Variants in INVS observed in about 807,000 individuals in gnomAD.
The protein encoded by INVS is inversin, also known as inversion of embryo turning homolog.
Under a neutral mutation model 108.8 loss-of-function variants are expected in INVS, and 86 were observed. The ratio of observed to expected loss-of-function variants is 0.79; its 90% CI spans 0.66 to 0.95. INVS has a LOEUF of 0.95. Ranked by LOEUF, INVS falls within the 40% of genes least tolerant of loss-of-function variation. The pLI, the probability that INVS is intolerant of heterozygous loss-of-function variation, is 0.00. For synonymous variants in INVS, 455 were observed against 473.5 expected, an observed-to-expected ratio of 0.96 and a Z score of 0.51; for missense variants, 1,169 against 1,297.4, an observed-to-expected ratio of 0.90 and a Z score of 1.52.
intron 13 of INVS, 39 bp from the exon 14 acceptor site, chr9:100,292,287 T>A (rs1833641962): frequency 6.4e-7 from 1 of 1,552,412 alleles, no homozygotes; most frequent in South Asian, 1.1e-5. Context: ...TATCCTACTC[T>A]GCAAGTTTTG....
At chr9:100,115,439 T>C (rs2118855957) in intron 2 of INVS, among the ~76,000 whole-genome samples, 1 of 152,318 alleles carries the variant, frequency 6.6e-6, no homozygotes, top group African/African-American at 2.4e-5. Flanking sequence ...TATCTCCTAA[T>C]GCTATGCCTC....
intron 3 of INVS, among the ~76,000 whole-genome samples, chr9:100,151,944 A>G (rs1828820455): frequency 6.6e-6 from 1 of 152,222 alleles, no homozygotes. Flanking sequence ...TTTTTCAAAT[A>G]AAAACTCTAA....
intron 13 of INVS, among the ~76,000 whole-genome samples, chr9:100,287,836 CATCCCTATCTCAGTA>C (rs1465207616): frequency 1.3e-5 from 2 of 152,236 alleles, no homozygotes; most frequent in Non-Finnish European, 2.9e-5. Flanking sequence ...CGGACTAATA[CATCCCTATCTCAGTA>C]CCCCAAAATC....
In INVS at chr9:100,100,894, AT is replaced by A. The variant is rs1347106399; in HGVS notation, c.-25+1480del. Among the ~76,000 whole-genome samples, 19 of 52,882 alleles carry A rather than the reference AT, an allele frequency of 3.6e-4. 3 individuals carry two copies. Among genetic ancestry groups the A allele is most frequent in the African/African-American group, 1.8e-3 (18 of 9,752 alleles). 34.7% of individuals were successfully genotyped at this position (52,882 alleles called of 152,430 possible). On this transcript the variant is annotated intron_variant, in intron 1 of 16. Transcript: ENST00000262457. ...TATTATATATGTATATATAATATAT[AT>A]TATATATGTATATATATTATATGTA...
At chr9:100,294,290 G>T (rs1833722604) in intron 14 of INVS, among the ~76,000 whole-genome samples, 1 of 152,148 alleles carries the variant, frequency 6.6e-6, no homozygotes, top group African/African-American at 2.4e-5. Flanking sequence ...GTTCCCGTCA[G>T]GAGAAAAAGG....
intron 2 of INVS, among the ~76,000 whole-genome samples, chr9:100,110,156 T>C (rs1827298803): frequency 6.6e-6 from 1 of 152,238 alleles, no homozygotes; most frequent in African/African-American, 2.4e-5. Context: ...ACTTAAATGT[T>C]TATGCATCCA....
At chr9:100,273,685 G>A (rs184376870) in intron 12 of INVS, among the ~76,000 whole-genome samples, 190 of 151,400 alleles carry the variant, frequency 1.3e-3, no homozygotes, top group African/African-American at 4.0e-3. Context: ...CTACAGGCGC[G>A]CGCCACCACA....
At chr9:100,154,837 C>T (rs1437556054) in intron 3 of INVS, among the ~76,000 whole-genome samples, 3 of 152,046 alleles carry the variant, frequency 2.0e-5, no homozygotes, top group South Asian at 2.1e-4. Flanking sequence ...ACACAGGGAT[C>T]GAAGCTAGTC....
intron 3 of INVS, among the ~76,000 whole-genome samples, chr9:100,131,388 A>G (rs941617947): frequency 2.0e-5 from 3 of 152,190 alleles, no homozygotes; most frequent in Admixed American, 6.5e-5. Context: ...ATTTTGGCAC[A>G]TGTTCACTTC....
At chr9:100,207,864 C>G (rs896337599) in intron 3 of INVS, among the ~76,000 whole-genome samples, 1 of 151,980 alleles carries the variant, frequency 6.6e-6, no homozygotes, top group Non-Finnish European at 1.5e-5. Context: ...GAATGTGTTT[C>G]TAAAATTTAT....
chr9:100,149,808 TTAGCTTCATAG>T (rs1229174983), intron 3 of INVS, among the ~76,000 whole-genome samples: 1 of 152,202 alleles, frequency 6.6e-6, no homozygotes, highest in African/African-American at 2.4e-5. Flanking sequence ...AAAACTTCAT[TTAGCTTCATAG>T]TAGCTTCATA....
intron 3 of INVS, among the ~76,000 whole-genome samples, chr9:100,128,201 A>C (rs1253228314): frequency 6.6e-6 from 1 of 152,192 alleles, no homozygotes; most frequent in Non-Finnish European, 1.5e-5. Context: ...ATCAGATACC[A>C]TGCATTGTTT....
chr9:100,268,840 G>A (rs1416456712), intron 11 of INVS, among the ~76,000 whole-genome samples: 1 of 152,048 alleles, frequency 6.6e-6, no homozygotes, highest in African/African-American at 2.4e-5. Flanking sequence ...AATGCCCAGG[G>A]TCACACAGGT....
intron 3 of INVS, among the ~76,000 whole-genome samples, chr9:100,177,912 G>A (rs910235242): frequency 5.9e-5 from 9 of 152,170 alleles, no homozygotes; most frequent in South Asian, 2.1e-4. Flanking sequence ...CCTCTGGAAC[G>A]AAGCTTCCAG....
At chr9:100,124,166 A>G (rs1353634467) in intron 2 of INVS, among the ~76,000 whole-genome samples, 1 of 125,542 alleles carries the variant, frequency 8.0e-6, no homozygotes, top group Non-Finnish European at 1.7e-5. Flanking sequence ...GAGGTTTTTT[A>G]TTTGTTTCTG....
chr9:100,297,596 A>G (rs977489649), intron 15 of INVS, among the ~76,000 whole-genome samples: 19 of 152,204 alleles, frequency 1.2e-4, no homozygotes, highest in African/African-American at 4.3e-4. Context: ...ACTATAGTAA[A>G]TATTTGTTCA....
chr9:100,299,554 CAACA>C (rs1564196528), intron 16 of INVS, among the ~76,000 whole-genome samples: 2 of 64,708 alleles, frequency 3.1e-5, no homozygotes, highest in Non-Finnish European at 5.6e-5. Context: ...TATTGACACA[CAACA>C]CACACACACA....
At chr9:100,183,802 A>G (rs1362856576) in intron 3 of INVS, among the ~76,000 whole-genome samples, 1 of 151,196 alleles carries the variant, frequency 6.6e-6, no homozygotes, top group Non-Finnish European at 1.5e-5. Context: ...GGGAAAAAAA[A>G]AAAAAAAAAA....
At chr9:100,230,785 G>A (rs1215469583) in intron 5 of INVS, among the ~76,000 whole-genome samples, 1 of 152,190 alleles carries the variant, frequency 6.6e-6, no homozygotes, top group Non-Finnish European at 1.5e-5. Context: ...CCAAAGTGCT[G>A]GGATTACAGG....
Sources: allele counts gnomAD v4.1 joint callset (sites outside exome capture counted in the v4.1 genomes callset), GRCh38; gene constraint gnomAD v4.1.1; transcripts MANE v1.5; gene names NCBI Gene and HGNC (gene_info 2026-07-23, HGNC 2026-07-21).